Variants in ANKS1A observed in about 807,000 individuals in gnomAD.
The protein encoded by ANKS1A is ankyrin repeat and SAM domain-containing protein 1A.
A neutral mutation model predicts 120.3 loss-of-function variants in ANKS1A; 55 were observed. That is an observed-to-expected ratio of 0.46 (90% confidence interval 0.37 to 0.57). The LOEUF (loss-of-function observed/expected upper bound fraction) is 0.57, where lower values mean the gene tolerates loss of function less well. Ranked by LOEUF, ANKS1A falls within the 20% of genes least tolerant of loss-of-function variation. ANKS1A has a pLI of 0.00. For synonymous variants in ANKS1A, 590 were observed against 604.7 expected, an observed-to-expected ratio of 0.98 and a Z score of 0.36; for missense variants, 1,123 against 1,480.3, an observed-to-expected ratio of 0.76 and a Z score of 3.96.
intron 10 of ANKS1A, among the ~76,000 whole-genome samples, chr6:35,000,234 C>A (rs1475552368): frequency 6.7e-6 from 1 of 149,648 alleles, no homozygotes; most frequent in African/African-American, 2.5e-5. Context: ...TCTGTAGTGG[C>A]AGCTGCTTTG....
In ANKS1A at chr6:35,089,318, G is replaced by A; in HGVS notation, c.*709G>A. The A allele has an allele frequency of 4.0e-6, 4 of 987,734 alleles. No homozygotes were observed. The highest frequency in any genetic ancestry group is 4.8e-6 in the Non-Finnish European group (4 of 831,298). The allele number at this position is 987,734 out of a possible 1,614,324, so 61.2% of individuals were successfully genotyped here. ...AGGTTCAGTGGCCAAATGAAGATAAGTGTGCAGTTTCTAGTGCTGGGAAGT... is the reference window on the plus strand; with the variant it reads ...AGGTTCAGTGGCCAAATGAAGATAAATGTGCAGTTTCTAGTGCTGGGAAGT... On this transcript the variant is annotated 3_prime_UTR_variant, in exon 24 of 24. Transcript: ENST00000360359.
chr6:34,918,491 G>A lies in ANKS1A; in HGVS notation c.197+28892G>A, dbSNP rs897081612. Among the ~76,000 whole-genome samples, 8 of 152,280 alleles carry A rather than the reference G, an allele frequency of 5.3e-5. No individual in the cohort carries two copies. The South Asian group carries it at 6.2e-4, about 12-fold the overall frequency. ...AATGCTAGCTTTATAACTATTCTGCGAGTGAAGCTACGGGGCTGATCAAAT... is the reference window on the plus strand; with the variant it reads ...AATGCTAGCTTTATAACTATTCTGCAAGTGAAGCTACGGGGCTGATCAAAT... On this transcript the variant is annotated intron_variant, in intron 1 of 23. Coordinates refer to ENST00000360359, the MANE Select transcript of ANKS1A (RefSeq NM_015245.3).
intron 1 of ANKS1A, among the ~76,000 whole-genome samples, chr6:34,951,880 G>A (rs945020883): frequency 2.8e-4 from 42 of 152,104 alleles, no homozygotes; most frequent in African/African-American, 8.5e-4. Context: ...AGAACATCAC[G>A]CCTCTCTTTC....
chr6:34,945,973 A>ATT (rs1044532562), intron 1 of ANKS1A, among the ~76,000 whole-genome samples: 1 of 142,330 alleles, frequency 7.0e-6, no homozygotes, highest in African/African-American at 2.6e-5. Flanking sequence ...CTTTATTTTT[A>ATT]TTTTTATTTA....
Position 35,085,519 on chromosome 6 carries a change from C to G in ANKS1A, c.3133-247C>G, listed in dbSNP as rs111869701. Among the ~76,000 whole-genome samples the G allele has an allele frequency of 0.016, 2,412 of 152,274 alleles. 74 individuals are homozygous for G. The highest frequency in any genetic ancestry group is 0.054 in the African/African-American group (2,255 of 41,512). On this transcript the variant is annotated intron_variant, in intron 21 of 23. Transcript: ENST00000360359. The surrounding 1 kb of genome is among the most constrained non-coding windows in gnomAD (Gnocchi z 4.7). ...GGCACCCTGCCTTGGAAAAGACCTG[C>G]CGTAGGCTTACAGCAGTGTGCACCT...
At position 35,082,616 on chromosome 6, in the gene ANKS1A, GT is replaced by G; in HGVS notation, c.2710-74del. 6.6e-7 allele frequency: 1 copy of G among 1,522,224 alleles called. No individual in the cohort carries two copies. The highest frequency in any genetic ancestry group is 1.4e-5 in the African/African-American group (1 of 72,186). 94.3% of individuals were successfully genotyped at this position (1,522,224 alleles called of 1,614,324 possible). ...GTCACTGGCATCTTCACCCTTGAGTGTGCTGGAGCCAGGCAGCAAGCCCATG... is the reference window on the plus strand; with the variant it reads ...GTCACTGGCATCTTCACCCTTGAGTGGCTGGAGCCAGGCAGCAAGCCCATG... On this transcript the variant is annotated intron_variant, in intron 17 of 23. Transcript: ENST00000360359. The surrounding 1 kb of genome is among the most constrained non-coding windows in gnomAD (Gnocchi z 4.1).
intron 11 of ANKS1A, among the ~76,000 whole-genome samples, chr6:35,037,827 G>A (rs1230256692): frequency 6.6e-6 from 1 of 152,186 alleles, no homozygotes; most frequent in Non-Finnish European, 1.5e-5. Context: ...TAGTGGCACA[G>A]GAAGGGTTTT....
chr6:35,075,703 G>A (rs1047064841), intron 13 of ANKS1A, among the ~76,000 whole-genome samples: 3 of 152,064 alleles, frequency 2.0e-5, no homozygotes, highest in East Asian at 3.9e-4. Context: ...CCGAGCCACC[G>A]CGCCTGGCCA....
At chr6:35,047,046 T>C (rs1300135137) in intron 11 of ANKS1A, among the ~76,000 whole-genome samples, 1 of 152,212 alleles carries the variant, frequency 6.6e-6, no homozygotes, top group East Asian at 1.9e-4. Context: ...TAACTAGTGC[T>C]TTAAACTGAA....
chr6:34,906,636 A>T (rs1450203509), intron 1 of ANKS1A, among the ~76,000 whole-genome samples: 1 of 152,266 alleles, frequency 6.6e-6, no homozygotes, highest in Non-Finnish European at 1.5e-5. Context: ...GAAAATCACC[A>T]TTAGCATACC....
chr6:34,958,776 C>T (rs892263792), intron 1 of ANKS1A, among the ~76,000 whole-genome samples: 1 of 152,206 alleles, frequency 6.6e-6, no homozygotes, highest in Non-Finnish European at 1.5e-5. Context: ...GATGTTGCCT[C>T]TTCGTTTCTG....
intron 1 of ANKS1A, among the ~76,000 whole-genome samples, chr6:34,953,932 A>G (rs754485543): frequency 6.6e-5 from 10 of 152,226 alleles, no homozygotes; most frequent in Non-Finnish European, 1.3e-4. Flanking sequence ...ACAGTTGTGC[A>G]ACAGAAACAA....
chr6:34,906,146 A>G (rs964048821), intron 1 of ANKS1A, among the ~76,000 whole-genome samples: 2 of 152,084 alleles, frequency 1.3e-5, no homozygotes, highest in African/African-American at 4.8e-5. Context: ...TCTTACCATT[A>G]AAAAATGGGT....
chr6:35,039,772 C>T (rs557996370), intron 11 of ANKS1A: 20 of 375,280 alleles, frequency 5.3e-5, no homozygotes, highest in African/African-American at 1.3e-4. Flanking sequence ...GCTCAGCCCT[C>T]GAGAGGCCTA....
Position 35,084,516 on chromosome 6 carries a change from T to C in ANKS1A, c.3132+258T>C, listed in dbSNP as rs866285793. Among the ~76,000 whole-genome samples, 11 of 140,682 alleles carry C rather than the reference T, an allele frequency of 7.8e-5. No individual in the cohort carries two copies. Among genetic ancestry groups the C allele is most frequent in the Admixed American group, 1.5e-4 (2 of 13,770 alleles). 92.3% of individuals were successfully genotyped at this position (140,682 alleles called of 152,430 possible). On this transcript the variant is annotated intron_variant, in intron 21 of 23. Coordinates refer to ENST00000360359, the MANE Select transcript of ANKS1A (RefSeq NM_015245.3). This position sits in a 1 kb window ranked among gnomAD's most constrained non-coding sequence, Gnocchi z 4.8. Reference sequence around the variant, plus strand: ...GCTTTTTTTTTTTTTTTTTAAGAGATGGAGTCTCACTATGTTGCCCAGGCT... The same window carrying C: ...GCTTTTTTTTTTTTTTTTTAAGAGACGGAGTCTCACTATGTTGCCCAGGCT...
At chr6:34,939,969 C>T (rs908425701) in intron 1 of ANKS1A, among the ~76,000 whole-genome samples, 1 of 152,104 alleles carries the variant, frequency 6.6e-6, no homozygotes, top group African/African-American at 2.4e-5. Flanking sequence ...TTGGGGGAAG[C>T]GCTATAGTGT....
At chr6:34,984,757 T>C (rs1342754463) in intron 7 of ANKS1A, among the ~76,000 whole-genome samples, 4 of 152,166 alleles carry the variant, frequency 2.6e-5, no homozygotes, top group Admixed American at 2.6e-4. Flanking sequence ...GTTTTTCAGT[T>C]ACACCTTGCT....
chr6:35,077,257 ATGCAGCACTGTGTGCAGTAGCTGAAGT>A (rs559832986), intron 13 of ANKS1A, among the ~76,000 whole-genome samples: 115 of 152,334 alleles, frequency 7.5e-4, no homozygotes, highest in Non-Finnish European at 1.2e-3. Context: ...GAGGGTGTTC[ATGCAGCACTGTGTGCAGTAGCTGAAGT>A]TGGAGCAAAT....
chr6:35,003,554 G>A (rs1773278118), intron 10 of ANKS1A, among the ~76,000 whole-genome samples: 1 of 152,190 alleles, frequency 6.6e-6, no homozygotes, highest in East Asian at 1.9e-4. Flanking sequence ...CTGAGGCCAT[G>A]TTTAGAAATT....
Sources: allele counts gnomAD v4.1 joint callset (sites outside exome capture counted in the v4.1 genomes callset), GRCh38; gene constraint gnomAD v4.1.1; non-coding constraint Gnocchi (gnomAD v3.1); transcripts MANE v1.5; gene names NCBI Gene and HGNC (gene_info 2026-07-23, HGNC 2026-07-21).